Variants in GBP1 observed in about 807,000 individuals in gnomAD.
The protein encoded by GBP1 is guanylate binding protein 1, also known as guanylate-binding protein 1.
In GBP1, 64 loss-of-function variants were observed where a neutral mutation model predicts 69.5. The ratio of observed to expected loss-of-function variants is 0.92; its 90% CI spans 0.75 to 1.13. The LOEUF (loss-of-function observed/expected upper bound fraction) is 1.13. GBP1 is among the 50% of genes most tolerant of loss of function. The pLI is 0.00. For missense variants in GBP1, 630 were observed against 704.1 expected, an observed-to-expected ratio of 0.89 and a Z score of 1.19; for synonymous variants, 250 against 261.2, an observed-to-expected ratio of 0.96 and a Z score of 0.41.
Position 89,056,934 on chromosome 1 carries a change from C to A in GBP1, c.1075G>T (p.Asp359Tyr). 1 of 1,614,250 alleles carries A rather than the reference C, an allele frequency of 6.2e-7. No homozygotes were observed. The highest frequency in any genetic ancestry group is 1.1e-5 in the South Asian group (1 of 91,090). ...ACTTCAATGGCCTCTCTCTCACTGT[C>A]CCTGTGCAGGTCCAGCAGCTCCTGG... Reference protein sequence around the residue: ...TLQELLDLHRDSEREAIEVFI... With the variant: ...TLQELLDLHRYSEREAIEVFI... The change falls in exon 7 of 11, where the codon GAC becomes TAC. Residue 359 changes from aspartate (D) to tyrosine (Y), a missense_variant. By Grantham distance (160) the Asp-to-Tyr change is radical (BLOSUM62 -3). Coordinates refer to ENST00000370473, the MANE Select transcript of GBP1 (RefSeq NM_002053.3).
Position 89,060,340 on chromosome 1 carries a change from G to A in GBP1, c.191-16C>T, listed in dbSNP as rs373495119. ...AGAGAGAAGCCTGCAAGGGAGAGAG[G>A]AGACCAGCGATGGGGATTTAGTAAC... is the stretch of plus-strand genomic sequence containing the variant. On this transcript the variant is annotated splice_polypyrimidine_tract_variant and intron_variant, in intron 2 of 10. Transcript: ENST00000370473. 1.7e-5 allele frequency: 26 copies of A among 1,544,898 alleles called. No individual in the cohort carries two copies. The highest frequency in any genetic ancestry group is 2.8e-5 in the African/African-American group (2 of 71,910).
intron 2 of GBP1, 24 bp from the exon 3 acceptor site, chr1:89,060,348 C>A (rs191255112): frequency 2.8e-5 from 43 of 1,523,262 alleles, no homozygotes; most frequent in African/African-American, 2.8e-4. Flanking sequence ...AGGAGACCAG[C>A]GATGGGGATT....
chr1:89,056,858 A>C lies in GBP1; in HGVS notation c.1151T>G (p.Leu384Ter). 6.2e-7 allele frequency: 1 copy of C among 1,613,788 alleles called. No individual in the cohort carries two copies. The highest frequency in any genetic ancestry group is 1.1e-5 in the South Asian group (1 of 91,080). ...KDVDHLFQKE[L>*]AAQLEKKRDD... is the part of the protein sequence containing the mutation. The stretch of plus-strand genomic sequence containing the variant: ...TACATTTGAGACAAAAATTACCGCT[A>C]ACTCCTTTTGAAATAGATGGTCCAC... Residue 384 changes from leucine (L) to a stop codon, truncating the protein, a stop_gained, in exon 7 of 11, where the codon TTA (leucine) becomes TGA (stop). Coordinates refer to ENST00000370473, the MANE Select transcript of GBP1 (RefSeq NM_002053.3). LOFTEE classifies it high-confidence loss of function.
intron 2 of GBP1, 76 bp from the exon 3 acceptor site, chr1:89,060,400 A>C: frequency 3.7e-6 from 5 of 1,336,328 alleles, no homozygotes; most frequent in Non-Finnish European, 5.0e-6. Context: ...AAAGTAGTAT[A>C]TTTAAGGTTA....
chr1:89,057,548 A>T (rs1431059796), intron 6 of GBP1, among the ~76,000 whole-genome samples: 1 of 152,238 alleles, frequency 6.6e-6, no homozygotes, highest in East Asian at 1.9e-4. Context: ...AGAGTCATCC[A>T]TTTAGTTTAT....
At chr1:89,062,690 A>C (rs1680231635) in intron 2 of GBP1, 1 of 188,376 alleles carries the variant, frequency 5.3e-6, no homozygotes, top group South Asian at 1.3e-4. Flanking sequence ...AGATTGAAAC[A>C]TTTTTTCAAC....
intron 7 of GBP1, 125 bp downstream of exon 7, chr1:89,056,729 C>A (rs1680055738): frequency 9.0e-7 from 1 of 1,107,488 alleles, no homozygotes. Context: ...GATCACAAAT[C>A]TGTTGTTTTC....
intron 10 of GBP1, among the ~76,000 whole-genome samples, chr1:89,054,177 G>T (rs1679985327): frequency 6.6e-6 from 1 of 151,852 alleles, no homozygotes; most frequent in Non-Finnish European, 1.5e-5. Flanking sequence ...TCAGCTCACT[G>T]CAAGCTCTGC....
chr1:89,055,014 T>A, intron 9 of GBP1, 99 bp downstream of exon 9: 1 of 1,393,858 alleles, frequency 7.2e-7, no homozygotes. Context: ...CACACCTTTG[T>A]GGATCTTGCT....
Position 89,063,117 on chromosome 1 carries a change from C to T in GBP1, c.118G>A (p.Val40Met). ...ILSAITQPMV[V>M]VAIVGLYRTG... Reference sequence around the variant, plus strand: ...CGGTAGAGGCCCACAATTGCCACCACCACCATAGGCTGTGTAATGGCAGAA... The same window carrying T: ...CGGTAGAGGCCCACAATTGCCACCATCACCATAGGCTGTGTAATGGCAGAA... Residue 40 changes from valine to methionine, a missense_variant, in exon 2 of 11, where the codon GTG becomes ATG. By Grantham distance (21) the Val-to-Met change is conservative. Coordinates refer to ENST00000370473, the MANE Select transcript of GBP1 (RefSeq NM_002053.3). 1 of 1,614,108 alleles carries T rather than the reference C, an allele frequency of 6.2e-7. No individual in the cohort carries two copies. Among genetic ancestry groups the T allele is most frequent in the Non-Finnish European group, 8.5e-7 (1 of 1,179,990 alleles).
rs1342840633 is a variant in GBP1, at chr1:89,058,544, T to C, written c.631+297A>G. The C allele has an allele frequency of 1.7e-5, 9 of 533,208 alleles. No homozygotes were observed. In the East Asian group the frequency reaches 2.7e-4, roughly 16 times the overall value. The allele number at this position is 533,208 out of a possible 1,614,324, so 33.0% of individuals were successfully genotyped here. Reference sequence around the variant, plus strand: ...TCTATGTTCTTTAAATAAATATCCATTGTACTCCATACTCTATGGCTAAGT... The same window carrying C: ...TCTATGTTCTTTAAATAAATATCCACTGTACTCCATACTCTATGGCTAAGT... On this transcript the variant is annotated intron_variant, in intron 5 of 10. Coordinates refer to ENST00000370473, the MANE Select transcript of GBP1 (RefSeq NM_002053.3).
chr1:89,060,309 G>A lies in GBP1; in HGVS notation c.206C>T (p.Ser69Phe). 6.3e-7 allele frequency: 1 copy of A among 1,592,880 alleles called. No individual in the cohort carries two copies. The highest frequency in any genetic ancestry group is 8.5e-7 in the Non-Finnish European group (1 of 1,170,954). The change falls in exon 3 of 11, where the codon TCC (serine) becomes TTC (phenylalanine). Residue 69 changes from serine (S) to phenylalanine (F), a missense_variant. Ser to Phe is a radical substitution (Grantham distance 155, BLOSUM62 -2). This residue lies in a region of GBP1 where 131 missense variants were observed against 138.5 expected (regional missense o/e 0.95). Coordinates refer to ENST00000370473, the MANE Select transcript of GBP1 (RefSeq NM_002053.3). ...AGKKKGFSLGSTVQSHTKGIW... is the reference protein window; with the variant it reads ...AGKKKGFSLGFTVQSHTKGIW... ...TCCTTTAGTGTGAGACTGCACCGTGGAGCCCAGAGAGAAGCCTGCAAGGGA... is the reference window on the plus strand; with the variant it reads ...TCCTTTAGTGTGAGACTGCACCGTGAAGCCCAGAGAGAAGCCTGCAAGGGA...
intron 2 of GBP1, among the ~76,000 whole-genome samples, chr1:89,060,807 A>G (rs1394574344): frequency 6.6e-6 from 1 of 152,282 alleles, no homozygotes; most frequent in Non-Finnish European, 1.5e-5. Context: ...TGTAGAAAAC[A>G]TTAACTATCC....
intron 8 of GBP1, chr1:89,055,698 T>A: frequency 2.3e-6 from 1 of 435,884 alleles, no homozygotes; most frequent in Non-Finnish European, 4.2e-6. Flanking sequence ...AATCAATGAA[T>A]TACATTTTTG....
intron 4 of GBP1, 128 bp from the exon 5 acceptor site, chr1:89,059,171 A>G: frequency 6.3e-7 from 1 of 1,587,214 alleles, no homozygotes; most frequent in Non-Finnish European, 8.6e-7. Flanking sequence ...TCTAAAGTGG[A>G]TACATGGGAT....
intron 6 of GBP1, 65 bp from the exon 7 acceptor site, chr1:89,057,199 T>C: frequency 6.3e-7 from 1 of 1,593,046 alleles, no homozygotes; most frequent in Non-Finnish European, 8.6e-7. Flanking sequence ...CATGTAATTC[T>C]GAGCATGTCA....
intron 7 of GBP1, 22 bp downstream of exon 7, chr1:89,056,832 A>G (rs778523810): frequency 2.5e-6 from 4 of 1,612,042 alleles, no homozygotes; most frequent in South Asian, 1.1e-5. Flanking sequence ...CCTAAACCGT[A>G]TACATTTGAG....
chr1:89,057,923 C>G lies in GBP1; in HGVS notation c.874+69G>C, dbSNP rs145715936. 5.5e-4 allele frequency: 805 copies of G among 1,450,748 alleles called. 9 individuals carry two copies. The African/African-American group carries it at 0.01, about 19-fold the overall frequency. 89.9% of individuals were successfully genotyped at this position (1,450,748 alleles called of 1,614,324 possible). On this transcript the variant is annotated intron_variant, in intron 6 of 10. Coordinates refer to ENST00000370473, the MANE Select transcript of GBP1 (RefSeq NM_002053.3). ...AGATTGGGATTTTTCAATGCTGAAA[C>G]TAGGTGGAAGTTATTCTATGCTCCT... is the stretch of plus-strand genomic sequence containing the variant.
At chr1:89,061,686 G>A (rs2101233023) in intron 2 of GBP1, among the ~76,000 whole-genome samples, 1 of 152,150 alleles carries the variant, frequency 6.6e-6, no homozygotes, top group African/African-American at 2.4e-5. Context: ...AAACTTTTGT[G>A]TATTAACGGA....
Sources: gnomAD v4.1 joint callset for allele counts (sites outside exome capture counted in the v4.1 genomes callset) on GRCh38, gnomAD v4.1.1 for gene constraint, gnomAD v4.1.1 regional missense constraint, MANE v1.5 for transcripts, NCBI Gene and HGNC (gene_info 2026-07-23, HGNC 2026-07-21) for gene names.